PRDM5: variants seen among roughly 807,000 people sequenced by gnomAD.
PRDM5 encodes PR/SET domain 5, also known as PR domain zinc finger protein 5.
PRDM5 carries 56 observed loss-of-function variants against 81.2 expected under a neutral mutation model. The observed-to-expected ratio is 0.69, with a 90% CI of 0.56 to 0.86. The LOEUF is 0.86. Ranked by LOEUF, PRDM5 falls within the 40% of genes least tolerant of loss-of-function variation. The probability of loss-of-function intolerance (pLI) is 0.00; values close to 1 mark genes in which losing one functional copy is unlikely to be tolerated. For synonymous variants in PRDM5, 267 were observed against 256.4 expected, an observed-to-expected ratio of 1.04 and a Z score of -0.39; for missense variants, 697 against 770.1, an observed-to-expected ratio of 0.91 and a Z score of 1.12.
downstream of PRDM5, among the ~76,000 whole-genome samples, chr4:120,690,474 A>G (rs1357510751): frequency 6.6e-6 from 1 of 152,212 alleles, no homozygotes; most frequent in Admixed American, 6.6e-5. Flanking sequence ...AGGATAAAAA[A>G]TAAGAAATCT....
chr4:120,892,374 G>A (rs776449012), intron 2 of PRDM5, among the ~76,000 whole-genome samples: 11 of 152,140 alleles, frequency 7.2e-5, no homozygotes, highest in Non-Finnish European at 1.5e-4. Flanking sequence ...GTCACTGATA[G>A]TTTTGTCTCA....
intron 1 of PRDM5, among the ~76,000 whole-genome samples, chr4:120,686,450 C>T (rs562422166): frequency 3.3e-5 from 5 of 152,100 alleles, no homozygotes; most frequent in East Asian, 3.9e-4. Flanking sequence ...CAGGATATTT[C>T]GTGCTTCTAA....
chr4:120,743,834 G>A (rs1270645421), intron 14 of PRDM5, among the ~76,000 whole-genome samples: 6 of 146,156 alleles, frequency 4.1e-5, no homozygotes, highest in Non-Finnish European at 9.0e-5. Context: ...AATAATGGGA[G>A]ACTTTAACAC....
Position 120,869,469 on chromosome 4 carries a change from C to A in PRDM5, c.178-15929G>T, listed in dbSNP as rs142906202. On this transcript the variant is annotated intron_variant, in intron 2 of 15. Transcript: ENST00000264808. ...TTTTTACATTAAACATAAATTAGAC[C>A]TACAATTGGTTGCTAAACAGACCAA... 3.7e-3 allele frequency among the ~76,000 whole-genome samples: 567 copies of A among 152,222 alleles called. 2 individuals are homozygous for A. The highest frequency in any genetic ancestry group is 0.013 in the African/African-American group (530 of 41,528).
At chr4:120,790,174 C>G (rs1750360894) in intron 10 of PRDM5, among the ~76,000 whole-genome samples, 1 of 152,138 alleles carries the variant, frequency 6.6e-6, no homozygotes, top group Admixed American at 6.5e-5. Context: ...ACATGACCTC[C>G]TAGGCTGGCT....
intron 14 of PRDM5, among the ~76,000 whole-genome samples, chr4:120,723,672 A>T (rs1738962876): frequency 6.6e-6 from 1 of 152,148 alleles, no homozygotes; most frequent in Non-Finnish European, 1.5e-5. Flanking sequence ...GAAGATATAC[A>T]GAAAATATAA....
intron 14 of PRDM5, among the ~76,000 whole-genome samples, chr4:120,726,027 G>A (rs1739356124): frequency 1.3e-5 from 2 of 152,128 alleles, no homozygotes; most frequent in Non-Finnish European, 2.9e-5. Flanking sequence ...GCCCCACTGC[G>A]AAGAGTGGCT....
intron 1 of PRDM5, among the ~76,000 whole-genome samples, chr4:120,915,160 A>G (rs921553634): frequency 4.6e-5 from 7 of 152,186 alleles, no homozygotes; most frequent in Admixed American, 3.9e-4. Context: ...AAAATATATA[A>G]AAGTTCAGTT....
At position 120,821,333 on chromosome 4, in the gene PRDM5, T is replaced by C; in HGVS notation, c.313A>G (p.Ile105Val). The C allele has an allele frequency of 6.2e-7, 1 of 1,613,890 alleles. No individual in the cohort carries two copies. Among genetic ancestry groups the C allele is most frequent in the Non-Finnish European group, 8.5e-7 (1 of 1,179,918 alleles). Reference protein sequence around the residue: ...NLAAIQEGENIFYLAVEDIET... With the variant: ...NLAAIQEGENVFYLAVEDIET... ...ATATCTTCAACTGCCAAATAGAAAA[T>C]GTTTTCTCCTTCCTGAAACAAATTT... Residue 105 changes from isoleucine (I) to valine (V), a missense_variant, in exon 4 of 16, where the codon ATT becomes GTT. Transcript: ENST00000264808.
At chr4:120,811,943 G>C (rs1297569598) in intron 7 of PRDM5, among the ~76,000 whole-genome samples, 1 of 151,992 alleles carries the variant, frequency 6.6e-6, no homozygotes, top group Admixed American at 6.5e-5. Flanking sequence ...TAGTCACCCT[G>C]TTGTGCTATC....
At chr4:120,858,581 G>T (rs567540506) in intron 2 of PRDM5, among the ~76,000 whole-genome samples, 1 of 148,468 alleles carries the variant, frequency 6.7e-6, no homozygotes, top group African/African-American at 2.4e-5. Context: ...GTGCGTGCGC[G>T]CGCACGCACG....
At chr4:120,727,112 C>T (rs1308580905) in intron 14 of PRDM5, among the ~76,000 whole-genome samples, 2 of 152,146 alleles carry the variant, frequency 1.3e-5, no homozygotes, top group South Asian at 2.1e-4. Context: ...AGTCCCTTCA[C>T]TCTGTTGCCT....
At chr4:120,774,707 C>T (rs1258039222) in intron 13 of PRDM5, among the ~76,000 whole-genome samples, 2 of 152,066 alleles carry the variant, frequency 1.3e-5, no homozygotes, top group Non-Finnish European at 1.5e-5. Flanking sequence ...AGGGCATAGG[C>T]TTGACATCAA....
At chr4:120,896,459 C>T (rs981008732) in intron 2 of PRDM5, 14 of 152,198 alleles carry the variant, frequency 9.2e-5, no homozygotes, top group African/African-American at 3.1e-4. Context: ...TCTCTTCATT[C>T]GCATTTCAAG....
intron 1 of PRDM5, among the ~76,000 whole-genome samples, chr4:120,685,405 A>G (rs1021178532): frequency 1.3e-5 from 2 of 152,170 alleles, no homozygotes; most frequent in African/African-American, 4.8e-5. Flanking sequence ...TTAATAAAGT[A>G]TTATGTGTTA....
intron 15 of PRDM5, among the ~76,000 whole-genome samples, chr4:120,703,422 T>C (rs1014319183): frequency 2.0e-5 from 3 of 152,134 alleles, no homozygotes; most frequent in African/African-American, 7.2e-5. Context: ...ACTCCTGGGC[T>C]TAAACGATCC....
At chr4:120,768,068 C>G (rs189542667) in intron 13 of PRDM5, among the ~76,000 whole-genome samples, 2 of 152,200 alleles carry the variant, frequency 1.3e-5, no homozygotes, top group Admixed American at 1.3e-4. Flanking sequence ...AGGGTGAGAA[C>G]AGACTAAAAC....
At chr4:120,850,707 G>A (rs1759161920) in intron 3 of PRDM5, among the ~76,000 whole-genome samples, 2 of 152,064 alleles carry the variant, frequency 1.3e-5, no homozygotes, top group Admixed American at 6.6e-5. Context: ...AGTTACATAA[G>A]TCCTGTTCTA....
intron 3 of PRDM5, among the ~76,000 whole-genome samples, chr4:120,839,702 C>T (rs1757770257): frequency 6.6e-6 from 1 of 152,200 alleles, no homozygotes; most frequent in Non-Finnish European, 1.5e-5. Flanking sequence ...GGTGGGGCCT[C>T]ACCGGGTACC....
Sources: gnomAD v4.1 joint callset for allele counts (sites outside exome capture counted in the v4.1 genomes callset) on GRCh38, gnomAD v4.1.1 for gene constraint, MANE v1.5 for transcripts, NCBI Gene and HGNC (gene_info 2026-07-23, HGNC 2026-07-21) for gene names.